The following AXDND1 variants were observed in gnomAD, a reference collection of about 807,000 sequenced individuals.
AXDND1 encodes axonemal dynein light chain domain-containing protein 1.
Under a neutral mutation model 137.5 loss-of-function variants are expected in AXDND1, and 110 were observed. The observed-to-expected ratio is 0.80, with a 90% confidence interval of 0.69 to 0.94. AXDND1 has a LOEUF of 0.94. Ranked by LOEUF, AXDND1 falls within the 40% of genes least tolerant of loss-of-function variation. AXDND1 has a pLI of 0.00. For missense variants in AXDND1, 1,191 were observed against 1,169.8 expected (o/e 1.02, Z -0.26); for synonymous variants, 414 against 399.7 (o/e 1.04, Z -0.43).
chr1:179,494,769 G>T (rs969175246), intron 20 of AXDND1, among the ~76,000 whole-genome samples: 2 of 152,040 alleles, frequency 1.3e-5, no homozygotes, highest in Admixed American at 1.3e-4. Context: ...TCTATCTAAA[G>T]AAATTTTTGC....
Position 179,488,634 on chromosome 1 carries a change from C to CCTTTCTTT in AXDND1, c.2092-2846_2092-2839dup, listed in dbSNP as rs57848949. On this transcript the variant is annotated intron_variant, in intron 18 of 25. Transcript: ENST00000367618. ...TTTCTTTCTTTCTCTCTCTCTCTCTCCTTTCTTTCTTTCTTTCTTTCTTTC... is the reference window on the plus strand; with the variant it reads ...TTTCTTTCTTTCTCTCTCTCTCTCTCCTTTCTTTCTTTCTTTCTTTCTTTCTTTCTTTC... 6.7e-3 allele frequency among the ~76,000 whole-genome samples: 703 copies of CCTTTCTTT among 105,068 alleles called. 27 individuals carry two copies. Among genetic ancestry groups the CCTTTCTTT allele is most frequent in the East Asian group, 0.012 (48 of 3,844 alleles). 68.9% of individuals were successfully genotyped at this position (105,068 alleles called of 152,430 possible). A position where few individuals can be genotyped will look rare whatever the true frequency, so the allele number is the denominator to read the frequency against.
chr1:179,462,876 T>A (rs1312357599), intron 16 of AXDND1, among the ~76,000 whole-genome samples: 1 of 152,222 alleles, frequency 6.6e-6, no homozygotes, highest in Admixed American at 6.5e-5. Flanking sequence ...CAGGAATTTA[T>A]CCATTTCTTC....
At position 179,376,331 on chromosome 1, in the gene AXDND1, C is replaced by A. The variant is rs112202111; in HGVS notation, c.375-2306C>A. On this transcript the variant is annotated intron_variant, in intron 4 of 25. Transcript: ENST00000367618. Reference sequence around the variant, plus strand: ...TTTCTGCAGTCAGCCGTACATGAGTCAGAAACTCATGTATATATATGGAAA... The same window carrying A: ...TTTCTGCAGTCAGCCGTACATGAGTAAGAAACTCATGTATATATATGGAAA... Among the ~76,000 whole-genome samples, 616 of 152,254 alleles carry A rather than the reference C, an allele frequency of 4.0e-3. 2 individuals carry two copies. The highest frequency in any genetic ancestry group is 0.014 in the African/African-American group (579 of 41,532).
Position 179,534,952 on chromosome 1 carries a change from T to C in AXDND1, c.3021T>C (p.Ser1007=). 1 of 1,605,382 alleles carries C rather than the reference T, an allele frequency of 6.2e-7. No homozygotes were observed. The highest frequency in any genetic ancestry group is 8.5e-7 in the Non-Finnish European group (1 of 1,177,980). Residue 1007 remains serine, a synonymous_variant, in exon 25 of 26, where the codon TCT becomes TCC. Coordinates refer to ENST00000367618, the MANE Select transcript of AXDND1 (RefSeq NM_144696.6). ...GGTCAGCAGAAAATTCCTCAAAATC[T>C]CCAAAGAAAGGTAAGGATTGCTTCG... is the stretch of plus-strand genomic sequence containing the variant. The part of the protein sequence containing the change: ...EVRSAENSSK[S]PKKGH
At chr1:179,410,586 T>C (rs1307472490) in intron 11 of AXDND1, among the ~76,000 whole-genome samples, 1 of 152,220 alleles carries the variant, frequency 6.6e-6, no homozygotes, top group African/African-American at 2.4e-5. Context: ...AAAGGTATGT[T>C]CTGGTAGACA....
intron 16 of AXDND1, among the ~76,000 whole-genome samples, chr1:179,462,606 GT>G (rs1478602034): frequency 1.3e-5 from 2 of 152,192 alleles, no homozygotes; most frequent in African/African-American, 4.8e-5. Flanking sequence ...GATTGGAATA[GT>G]TTCAGAAGGA....
intron 16 of AXDND1, among the ~76,000 whole-genome samples, chr1:179,467,161 G>T (rs1663312763): frequency 6.6e-6 from 1 of 151,974 alleles, no homozygotes; most frequent in African/African-American, 2.4e-5. Context: ...AAACATTTTT[G>T]CTCAGTGCAT....
chr1:179,466,251 T>C (rs1008761621), intron 16 of AXDND1, among the ~76,000 whole-genome samples: 5 of 150,196 alleles, frequency 3.3e-5, no homozygotes, highest in Non-Finnish European at 5.9e-5. Context: ...TCTTGGAACC[T>C]CCTCTTTTCT....
At position 179,456,869 on chromosome 1, in the gene AXDND1, G is replaced by C. The variant is rs557914097; in HGVS notation, c.1799-11574G>C. ...TCTGAATGACAGTTTTATCCATGGA[G>C]TTATGATTGTCAAAGGTTACAAAGG... On this transcript the variant is annotated intron_variant, in intron 16 of 25. Coordinates refer to ENST00000367618, the MANE Select transcript of AXDND1 (RefSeq NM_144696.6). 1.6e-4 allele frequency: 133 copies of C among 847,452 alleles called. 2 individuals are homozygous for C. In the South Asian group the frequency reaches 1.7e-3, roughly 11 times the overall value. 52.5% of individuals were successfully genotyped at this position (847,452 alleles called of 1,614,324 possible).
At chr1:179,448,017 C>T in intron 16 of AXDND1, 1 of 1,394,570 alleles carries the variant, frequency 7.2e-7, no homozygotes, top group Non-Finnish European at 1.0e-6. Flanking sequence ...TGGGGCTTTT[C>T]ACTGGAACTG....
intron 9 of AXDND1, among the ~76,000 whole-genome samples, chr1:179,387,102 T>C (rs1649342569): frequency 6.6e-6 from 1 of 152,194 alleles, no homozygotes; most frequent in Non-Finnish European, 1.5e-5. Context: ...CTATTTTGGT[T>C]CTGGGTCAGT....
At chr1:179,536,074 C>A (rs893388980) in intron 25 of AXDND1, among the ~76,000 whole-genome samples, 1 of 151,988 alleles carries the variant, frequency 6.6e-6, no homozygotes, top group Non-Finnish European at 1.5e-5. Flanking sequence ...GTGTTGTTTG[C>A]TTTTTTCTTG....
At chr1:179,395,972 T>C (rs890790906) in intron 11 of AXDND1, among the ~76,000 whole-genome samples, 1 of 151,872 alleles carries the variant, frequency 6.6e-6, no homozygotes, top group African/African-American at 2.4e-5. Flanking sequence ...AGTTTGAGAC[T>C]AGCCTGGCCA....
intron 12 of AXDND1, among the ~76,000 whole-genome samples, chr1:179,423,229 C>T (rs1054129298): frequency 6.6e-6 from 1 of 151,822 alleles, no homozygotes; most frequent in Admixed American, 6.6e-5. Flanking sequence ...ATTTGTAACC[C>T]ATTTTATCTG....
At position 179,528,104 on chromosome 1, in the gene AXDND1, C is replaced by G. The variant is rs191865220; in HGVS notation, c.2611-223C>G. Among the ~76,000 whole-genome samples, 3 of 152,274 alleles carry G rather than the reference C, an allele frequency of 2.0e-5. No homozygotes were observed. In the East Asian group the frequency reaches 5.8e-4, roughly 29 times the overall value. On this transcript the variant is annotated intron_variant, in intron 22 of 25. Transcript: ENST00000367618. ...GTTCCTGGAAGCTGGAAGAAATCCT[C>G]TTTGTTTTTCCCATAGTTATATCCC...
At chr1:179,415,779 G>T (rs190053320) in intron 12 of AXDND1, among the ~76,000 whole-genome samples, 2 of 151,212 alleles carry the variant, frequency 1.3e-5, no homozygotes, top group African/African-American at 4.9e-5. Context: ...ATCTCTGCTC[G>T]CTGCAACCTC....
intron 9 of AXDND1, among the ~76,000 whole-genome samples, chr1:179,391,311 TTGAG>T (rs746206090): frequency 6.6e-6 from 1 of 152,004 alleles, no homozygotes; most frequent in Non-Finnish European, 1.5e-5. Context: ...AGATAAGTTC[TTGAG>T]TGGTGATTTC....
At chr1:179,550,518 A>G (rs896383155) in intron 25 of AXDND1, 1 of 152,420 alleles carries the variant, frequency 6.6e-6, no homozygotes, top group African/African-American at 2.4e-5. Context: ...TTATTTAAAA[A>G]AGGAATCTCC....
At chr1:179,530,119 T>A (rs1360607507) in intron 23 of AXDND1, among the ~76,000 whole-genome samples, 5 of 152,122 alleles carry the variant, frequency 3.3e-5, no homozygotes, top group Admixed American at 3.3e-4. Flanking sequence ...AACCTCTGCC[T>A]CCCAAGTTCA....
Sources: allele counts gnomAD v4.1 joint callset (sites outside exome capture counted in the v4.1 genomes callset), GRCh38; gene constraint gnomAD v4.1.1; transcripts MANE v1.5; gene names NCBI Gene and HGNC (gene_info 2026-07-23, HGNC 2026-07-21).